Variants in ANO6 observed in about 807,000 individuals in gnomAD.
ANO6 encodes the protein anoctamin 6.
Under a neutral mutation model 117.5 loss-of-function variants are expected in ANO6, and 106 were observed. The ratio of observed to expected loss-of-function variants is 0.90; its 90% CI spans 0.77 to 1.06. ANO6 has a LOEUF of 1.06. Ranked by LOEUF, ANO6 falls within the 50% of genes least tolerant of loss-of-function variation. The pLI, the probability that ANO6 is intolerant of heterozygous loss-of-function variation, is 0.00. For missense variants in ANO6, 955 were observed against 1,121.1 expected (o/e 0.85, Z 2.12); for synonymous variants, 367 against 385.1 (o/e 0.95, Z 0.55).
At chr12:45,346,980 G>A (rs1490835953) in intron 3 of ANO6, 42 bp from the exon 4 acceptor site, 1 of 1,598,672 alleles carries the variant, frequency 6.3e-7, no homozygotes, top group Non-Finnish European at 8.6e-7. Context: ...TCTGCCTTTG[G>A]TAAACTAAAG....
In ANO6 at chr12:45,429,384, T is replaced by A; in HGVS notation, c.*73T>A. On this transcript the variant is annotated 3_prime_UTR_variant, in exon 20 of 20. Coordinates refer to ENST00000320560, the MANE Select transcript of ANO6 (RefSeq NM_001025356.3). Reference sequence around the variant, plus strand: ...ATATATTAGGAATCACTAATGAGAATGTGTAAGTTAAATCACTTTGGCAAA... The same window carrying A: ...ATATATTAGGAATCACTAATGAGAAAGTGTAAGTTAAATCACTTTGGCAAA... 1 of 1,564,042 alleles carries A rather than the reference T, an allele frequency of 6.4e-7. No individual in the cohort carries two copies. Among genetic ancestry groups the A allele is most frequent in the Non-Finnish European group, 8.6e-7 (1 of 1,157,380 alleles).
chr12:45,392,415 G>T (rs761184854), intron 12 of ANO6, among the ~76,000 whole-genome samples: 5 of 152,230 alleles, frequency 3.3e-5, no homozygotes, highest in Admixed American at 6.5e-5. Flanking sequence ...CACCTCTGTG[G>T]GCAGGGCATA....
chr12:45,379,029 T>C (rs1472891889), intron 10 of ANO6, among the ~76,000 whole-genome samples: 1 of 152,216 alleles, frequency 6.6e-6, no homozygotes, highest in Admixed American at 6.5e-5. Context: ...ACTTTAAATG[T>C]TTAATTGATC....
At chr12:45,303,246 A>G (rs1249417280) in intron 2 of ANO6, among the ~76,000 whole-genome samples, 8 of 152,256 alleles carry the variant, frequency 5.3e-5, no homozygotes, top group South Asian at 2.1e-4. Flanking sequence ...ATTATATTCA[A>G]TAAGATTTCT....
At chr12:45,244,940 T>A (rs1183925831) in intron 1 of ANO6, among the ~76,000 whole-genome samples, 1 of 152,192 alleles carries the variant, frequency 6.6e-6, no homozygotes, top group Non-Finnish European at 1.5e-5. Context: ...ACAAAAAGGT[T>A]CAGCGGTATC....
intron 2 of ANO6, among the ~76,000 whole-genome samples, chr12:45,312,254 A>C (rs961960841): frequency 6.6e-6 from 1 of 152,108 alleles, no homozygotes; most frequent in Non-Finnish European, 1.5e-5. Flanking sequence ...TAATCACAAT[A>C]ATGGCCAGGA....
At chr12:45,384,836 T>C (rs996989722) in intron 10 of ANO6, among the ~76,000 whole-genome samples, 9 of 152,204 alleles carry the variant, frequency 5.9e-5, no homozygotes, top group Non-Finnish European at 1.2e-4. Context: ...TGATAGAGGC[T>C]CAACGTGGGG....
chr12:45,375,412 A>G (rs1941980429), intron 9 of ANO6, among the ~76,000 whole-genome samples: 1 of 152,240 alleles, frequency 6.6e-6, no homozygotes, highest in Non-Finnish European at 1.5e-5. Context: ...TCCTAAGCCA[A>G]AAGAACAAAG....
chr12:45,377,248 T>C (rs143265331), intron 9 of ANO6, among the ~76,000 whole-genome samples: 4 of 152,278 alleles, frequency 2.6e-5, no homozygotes, highest in Non-Finnish European at 5.9e-5. Context: ...ATTATCTTTA[T>C]AGTAATTTTT....
intron 11 of ANO6, 26 bp from the exon 12 acceptor site, chr12:45,390,395 C>G: frequency 6.3e-7 from 1 of 1,575,342 alleles, no homozygotes; most frequent in Non-Finnish European, 8.7e-7. Flanking sequence ...CCTTGATTGA[C>G]TAAACTTTTT....
rs368495193 is a variant in ANO6 at position 45,401,835 on chromosome 12, A to G, written c.1427A>G (p.Tyr476Cys). The part of the protein sequence containing the change: ...IIASVIGIIV[Y>C]RLSVFIVFSA... ...GCTTCAGTTATTGGGATCATTGTCT[A>G]TAGGCTCTCGGTGTTCATTGTATTT... The change falls in exon 13 of 20, where the codon TAT (tyrosine) becomes TGT (cysteine). Residue 476 changes from tyrosine to cysteine, a missense_variant. Transcript: ENST00000320560. The G allele has an allele frequency of 2.7e-5, 43 of 1,613,716 alleles. No homozygotes were observed. The highest frequency in any genetic ancestry group is 6.7e-5 in the African/African-American group (5 of 74,836).
At chr12:45,373,530 T>C (rs1268007868) in intron 9 of ANO6, among the ~76,000 whole-genome samples, 1 of 152,066 alleles carries the variant, frequency 6.6e-6, no homozygotes, top group Non-Finnish European at 1.5e-5. Context: ...CACAGTGCAA[T>C]AAAACTAGAA....
chr12:45,292,895 T>C (rs1939149824), intron 1 of ANO6: 25 of 1,551,074 alleles, frequency 1.6e-5, no homozygotes, highest in Non-Finnish European at 2.1e-5. Context: ...GAATTGTCCA[T>C]TCCCCCTTTT....
intron 2 of ANO6, among the ~76,000 whole-genome samples, chr12:45,326,830 C>A (rs1292747342): frequency 6.6e-6 from 1 of 152,162 alleles, no homozygotes; most frequent in African/African-American, 2.4e-5. Context: ...GGCTGTAAAT[C>A]ACACCATTTC....
chr12:45,339,008 GC>G (rs1430129015), intron 3 of ANO6, among the ~76,000 whole-genome samples: 1 of 152,082 alleles, frequency 6.6e-6, no homozygotes, highest in Admixed American at 6.6e-5. Flanking sequence ...TACCAGCAGG[GC>G]AAATGTGTCA....
chr12:45,314,490 CACATATAT>C (rs1449731996), intron 2 of ANO6, among the ~76,000 whole-genome samples: 1 of 148,754 alleles, frequency 6.7e-6, no homozygotes, highest in African/African-American at 2.5e-5. Flanking sequence ...CACACACACA[CACATATAT>C]ACATATATAC....
At chr12:45,327,642 A>G (rs1023794245) in intron 2 of ANO6, among the ~76,000 whole-genome samples, 23 of 152,302 alleles carry the variant, frequency 1.5e-4, no homozygotes, top group African/African-American at 5.5e-4. Context: ...CAGTATGTAT[A>G]ATATGGTATC....
chr12:45,276,251 A>G (rs1030827697), intron 1 of ANO6, among the ~76,000 whole-genome samples: 18 of 152,180 alleles, frequency 1.2e-4, no homozygotes, highest in Non-Finnish European at 2.5e-4. Flanking sequence ...ATCTTAGGCC[A>G]GCTTCGTCAC....
chr12:45,342,953 G>C (rs1011413029), intron 3 of ANO6, among the ~76,000 whole-genome samples: 6 of 152,162 alleles, frequency 3.9e-5, no homozygotes, highest in African/African-American at 1.4e-4. Context: ...CTGACACCAA[G>C]AAGAGAGGTG....
Sources: gnomAD v4.1 joint callset for allele counts (sites outside exome capture counted in the v4.1 genomes callset) on GRCh38, gnomAD v4.1.1 for gene constraint, MANE v1.5 for transcripts, NCBI Gene and HGNC (gene_info 2026-07-23, HGNC 2026-07-21) for gene names.